RAB6B: variants seen among roughly 807,000 people sequenced by gnomAD.
RAB6B encodes the protein ras-related protein Rab-6B.
RAB6B carries 7 observed loss-of-function variants against 31.2 expected under a neutral mutation model. The ratio of observed to expected loss-of-function variants is 0.22; its 90% CI spans 0.13 to 0.42. The LOEUF is 0.42. Ranked by LOEUF, RAB6B falls within the 10% of genes least tolerant of loss-of-function variation. The probability of loss-of-function intolerance (pLI) is 1.00; values close to 1 mark genes in which losing one functional copy is unlikely to be tolerated. For synonymous variants in RAB6B, 105 were observed against 104.9 expected (o/e 1.00, Z -0.01); for missense variants, 149 against 280.6 (o/e 0.53, Z 3.35).
chr3:133,866,095 G>C (rs555757342), intron 1 of RAB6B, among the ~76,000 whole-genome samples: 1 of 152,190 alleles, frequency 6.6e-6, no homozygotes, highest in Non-Finnish European at 1.5e-5. Context: ...GGGGGCTGTA[G>C]TAAGAATTAA....
intron 1 of RAB6B, among the ~76,000 whole-genome samples, chr3:133,866,290 T>G (rs1322507272): frequency 1.3e-5 from 2 of 152,054 alleles, no homozygotes; most frequent in East Asian, 3.9e-4. Flanking sequence ...GGCAATTAGG[T>G]GGCAGCTCCT....
intron 2 of RAB6B, among the ~76,000 whole-genome samples, chr3:133,851,997 C>G (rs1393795285): frequency 1.7e-5 from 2 of 117,334 alleles, no homozygotes; most frequent in Non-Finnish European, 3.8e-5. Flanking sequence ...TTCATGCCAC[C>G]TCCATGGAGA....
At chr3:133,893,443 T>C (rs1376453440) in intron 1 of RAB6B, among the ~76,000 whole-genome samples, 1 of 152,198 alleles carries the variant, frequency 6.6e-6, no homozygotes, top group Non-Finnish European at 1.5e-5. Context: ...CTCTCATTTC[T>C]GTGATTTTGG....
intron 1 of RAB6B, among the ~76,000 whole-genome samples, chr3:133,869,766 T>G (rs541479773): frequency 6.9e-4 from 105 of 151,940 alleles, no homozygotes; most frequent in Admixed American, 3.2e-3. Context: ...AACCATGCTG[T>G]GAGGAAGCCC....
At chr3:133,854,844 T>C (rs1936052284) in intron 2 of RAB6B, among the ~76,000 whole-genome samples, 1 of 152,252 alleles carries the variant, frequency 6.6e-6, no homozygotes, top group Admixed American at 6.5e-5. Flanking sequence ...CTTGTTGAAG[T>C]CTTCTTTGCT....
intron 2 of RAB6B, among the ~76,000 whole-genome samples, chr3:133,851,047 T>C (rs1576398339): frequency 6.8e-6 from 1 of 147,904 alleles, no homozygotes; most frequent in Admixed American, 6.7e-5. Flanking sequence ...GGAAACAGAA[T>C]TCTAAATCCA....
chr3:133,839,729 T>C lies in RAB6B; in HGVS notation c.290-112A>G, dbSNP rs533034261. On this transcript the variant is annotated intron_variant, in intron 4 of 7. Coordinates refer to ENST00000285208, the MANE Select transcript of RAB6B (RefSeq NM_016577.4). ...GGGAGGGTGAGCATGTGCCCTCAGA[T>C]ACCCAGGGAGGGGTGTGAGCTCAGT... 29 of 794,378 alleles carry C rather than the reference T, an allele frequency of 3.7e-5. No individual in the cohort carries two copies. In the Admixed American group the frequency reaches 5.3e-4, roughly 15 times the overall value. 49.2% of individuals were successfully genotyped at this position (794,378 alleles called of 1,614,324 possible). A position where few individuals can be genotyped will look rare whatever the true frequency, so the allele number is the denominator to read the frequency against.
At chr3:133,858,141 C>T (rs1936108501) in intron 2 of RAB6B, among the ~76,000 whole-genome samples, 1 of 152,190 alleles carries the variant, frequency 6.6e-6, no homozygotes, top group African/African-American at 2.4e-5. Context: ...GCCCTCGGGC[C>T]TTCCACAGTC....
At chr3:133,850,757 T>G (rs1415794788) in intron 2 of RAB6B, among the ~76,000 whole-genome samples, 1 of 152,076 alleles carries the variant, frequency 6.6e-6, no homozygotes, top group Non-Finnish European at 1.5e-5. Flanking sequence ...GTGAAAAGTC[T>G]TCTGAGTGCA....
Position 133,845,123 on chromosome 3 carries a change from A to G in RAB6B, c.130-3460T>C, listed in dbSNP as rs537557681. 3.3e-5 allele frequency among the ~76,000 whole-genome samples: 5 copies of G among 152,350 alleles called. No individual in the cohort carries two copies. In the South Asian group the frequency reaches 1.0e-3, roughly 32 times the overall value. ...ACCAGAAAGGCTGGCTTTGGGAGGAACAAGATCATCTCAGGACTGAGGGTT... is the reference window on the plus strand; with the variant it reads ...ACCAGAAAGGCTGGCTTTGGGAGGAGCAAGATCATCTCAGGACTGAGGGTT... On this transcript the variant is annotated intron_variant, in intron 2 of 7. Transcript: ENST00000285208.
At chr3:133,841,743 G>T in intron 2 of RAB6B, 80 bp from the exon 3 acceptor site, 1 of 1,427,234 alleles carries the variant, frequency 7.0e-7, no homozygotes, top group Non-Finnish European at 9.8e-7. Flanking sequence ...ACAGGTGGTG[G>T]CATAACCAGC....
intron 2 of RAB6B, among the ~76,000 whole-genome samples, chr3:133,860,069 G>A (rs1936138061): frequency 6.6e-6 from 1 of 152,298 alleles, no homozygotes; most frequent in Admixed American, 6.5e-5. Context: ...GGGTGCGGAG[G>A]TGCCCAAGCT....
intron 1 of RAB6B, among the ~76,000 whole-genome samples, chr3:133,877,346 C>G (rs575412469): frequency 1.3e-5 from 2 of 152,294 alleles, no homozygotes; most frequent in South Asian, 4.1e-4. Flanking sequence ...GAAAGACTGC[C>G]CAAATGGACT....
chr3:133,885,494 C>T (rs1212634990), intron 1 of RAB6B: 1 of 702,522 alleles, frequency 1.4e-6, no homozygotes. Flanking sequence ...GGATGGGGGA[C>T]TCACACATCC....
chr3:133,833,673 C>A (rs115170564), intron 7 of RAB6B, among the ~76,000 whole-genome samples: 2 of 152,210 alleles, frequency 1.3e-5, no homozygotes, highest in Non-Finnish European at 2.9e-5. Context: ...CTTCTTTGAT[C>A]TGTCAGGGAT....
At chr3:133,835,160 C>T (rs560958578) in intron 6 of RAB6B, among the ~76,000 whole-genome samples, 143 of 152,218 alleles carry the variant, frequency 9.4e-4, no homozygotes, top group Non-Finnish European at 9.1e-4. Context: ...TCTGAGAGCG[C>T]GAGGGATGCA....
intron 7 of RAB6B, 69 bp downstream of exon 7, chr3:133,834,506 C>T: frequency 4.7e-6 from 7 of 1,499,988 alleles, no homozygotes; most frequent in Non-Finnish European, 6.5e-6. Context: ...CTGTCCACTG[C>T]ACTAACATAT....
chr3:133,862,430 C>A (rs1312345197), intron 2 of RAB6B, among the ~76,000 whole-genome samples: 2 of 152,210 alleles, frequency 1.3e-5, no homozygotes, highest in Non-Finnish European at 2.9e-5. Flanking sequence ...AGTTGAGAGG[C>A]TAAACCAGCC....
intron 2 of RAB6B, among the ~76,000 whole-genome samples, chr3:133,846,477 A>T (rs545454784): frequency 3.0e-4 from 46 of 152,318 alleles, no homozygotes; most frequent in Admixed American, 2.0e-3. Context: ...AAATGCAATT[A>T]GAGTCTCAGG....
Sources: allele counts gnomAD v4.1 joint callset (sites outside exome capture counted in the v4.1 genomes callset), GRCh38; gene constraint gnomAD v4.1.1; transcripts MANE v1.5; gene names NCBI Gene and HGNC (gene_info 2026-07-23, HGNC 2026-07-21).